GDAP1: variants seen among roughly 807,000 people sequenced by gnomAD.
GDAP1 encodes the protein ganglioside-induced differentiation-associated protein 1.
In GDAP1, 34 loss-of-function variants were observed where a neutral mutation model predicts 40.1. That is an observed-to-expected ratio of 0.85 (90% confidence interval 0.64 to 1.13). The LOEUF (loss-of-function observed/expected upper bound fraction) is 1.13, where lower values mean the gene tolerates loss of function less well. GDAP1 is among the 50% of genes most tolerant of loss of function. The pLI is 0.00. For synonymous variants in GDAP1, 170 were observed against 157.4 expected, an observed-to-expected ratio of 1.08 and a Z score of -0.60; for missense variants, 374 against 433.7, an observed-to-expected ratio of 0.86 and a Z score of 1.22.
At chr8:74,439,956 G>A (rs148708599) in intron 2 of GDAP1, among the ~76,000 whole-genome samples, 97 of 151,904 alleles carry the variant, frequency 6.4e-4, no homozygotes, top group African/African-American at 2.1e-3. Context: ...ATTTATTTTT[G>A]TAAGTGATAT....
chr8:74,434,422 A>G (rs1806064103), intron 2 of GDAP1, among the ~76,000 whole-genome samples: 1 of 152,196 alleles, frequency 6.6e-6, no homozygotes, highest in East Asian at 1.9e-4. Flanking sequence ...GACCATCAGT[A>G]TATACTGAAG....
At chr8:74,396,759 T>A (rs547493479) in intron 2 of GDAP1, among the ~76,000 whole-genome samples, 5 of 152,362 alleles carry the variant, frequency 3.3e-5, no homozygotes, top group African/African-American at 1.2e-4. Context: ...CTATCATTGT[T>A]GGACATTTGG....
At chr8:74,413,717 CT>C (rs79420778) in intron 2 of GDAP1, among the ~76,000 whole-genome samples, 5,561 of 131,606 alleles carry the variant, frequency 0.042, 649 homozygotes, top group African/African-American at 0.15. Flanking sequence ...AACTCCTAAG[CT>C]TTTTTTTTTT....
chr8:74,428,365 C>A (rs1805979314), intron 2 of GDAP1, among the ~76,000 whole-genome samples: 1 of 152,076 alleles, frequency 6.6e-6, no homozygotes, highest in Non-Finnish European at 1.5e-5. Flanking sequence ...TGGTGGTGTC[C>A]CCGACCATCA....
At chr8:74,387,746 A>T (rs1810046231) in intron 2 of GDAP1, among the ~76,000 whole-genome samples, 1 of 152,154 alleles carries the variant, frequency 6.6e-6, no homozygotes, top group African/African-American at 2.4e-5. Flanking sequence ...GAGTAGTTTC[A>T]GAAGGAATGG....
At position 74,351,285 on chromosome 8, in the gene GDAP1, A is replaced by T; in HGVS notation, c.129A>T (p.Val43=). ...GTGAACTCTTCCAGGTGCGCTTGGT[A>T]ATTGCTGAAAAGGCATTGAAGTGCG... The part of the protein sequence containing the change: ...HSFSSQKVRL[V]IAEKALKCEE... Residue 43 remains valine (V), a synonymous_variant, in exon 2 of 6, where the codon GTA becomes GTT. Coordinates refer to ENST00000220822, the MANE Select transcript of GDAP1 (RefSeq NM_018972.4). 6.2e-7 allele frequency: 1 copy of T among 1,613,928 alleles called. No individual in the cohort carries two copies. Among genetic ancestry groups the T allele is most frequent in the South Asian group, 1.1e-5 (1 of 91,074 alleles).
At chr8:74,389,239 G>C (rs1266266198) in intron 2 of GDAP1, among the ~76,000 whole-genome samples, 2 of 151,996 alleles carry the variant, frequency 1.3e-5, no homozygotes, top group South Asian at 4.2e-4. Flanking sequence ...TGGTTATTTT[G>C]CACATTAATT....
intron 2 of GDAP1, among the ~76,000 whole-genome samples, chr8:74,398,196 A>G (rs978738545): frequency 6.6e-6 from 1 of 152,102 alleles, no homozygotes; most frequent in Non-Finnish European, 1.5e-5. Context: ...TGATTTTTGT[A>G]CATGTTCATG....
intron 2 of GDAP1, among the ~76,000 whole-genome samples, chr8:74,351,953 A>T (rs1014915095): frequency 1.3e-5 from 2 of 152,220 alleles, no homozygotes; most frequent in African/African-American, 2.4e-5. Flanking sequence ...TTACTAAGGA[A>T]TTATAGGGCT....
chr8:74,465,257 A>G (rs1806454977), intron 2 of GDAP1, among the ~76,000 whole-genome samples: 1 of 152,052 alleles, frequency 6.6e-6, no homozygotes, highest in Admixed American at 6.6e-5. Context: ...AAATAAACCT[A>G]AGCCGTGCTA....
intron 2 of GDAP1, among the ~76,000 whole-genome samples, chr8:74,379,612 A>G (rs1466138609): frequency 2.6e-5 from 4 of 152,140 alleles, no homozygotes; most frequent in Admixed American, 2.0e-4. Context: ...AGTGTCTCTT[A>G]TGTGGGAAAG....
chr8:74,434,766 C>T (rs954373652), intron 2 of GDAP1, among the ~76,000 whole-genome samples: 6 of 152,176 alleles, frequency 3.9e-5, no homozygotes, highest in African/African-American at 1.4e-4. Flanking sequence ...GATAGTCCTT[C>T]AGGTGGTAGT....
chr8:74,415,229 T>C (rs989186798), intron 2 of GDAP1, among the ~76,000 whole-genome samples: 3 of 150,274 alleles, frequency 2.0e-5, no homozygotes, highest in Non-Finnish European at 4.4e-5. Flanking sequence ...CAATAATGTA[T>C]ATACCTGGGT....
chr8:74,479,678 G>A (rs996973259), intron 2 of GDAP1, among the ~76,000 whole-genome samples: 7 of 152,196 alleles, frequency 4.6e-5, no homozygotes, highest in African/African-American at 1.7e-4. Flanking sequence ...ATCCTGCTAG[G>A]TTCTCGCCTA....
At chr8:74,417,996 A>G (rs932966122) in intron 2 of GDAP1, among the ~76,000 whole-genome samples, 3 of 152,178 alleles carry the variant, frequency 2.0e-5, no homozygotes, top group African/African-American at 7.2e-5. Flanking sequence ...ACTGGGATCT[A>G]TATATTGAAA....
chr8:74,482,354 C>A (rs1325463004), intron 2 of GDAP1, among the ~76,000 whole-genome samples: 3 of 152,084 alleles, frequency 2.0e-5, no homozygotes, highest in African/African-American at 7.2e-5. Context: ...TTTCCAGGGG[C>A]CTATCACCTC....
At chr8:74,449,054 A>AT (rs1412079946) in intron 2 of GDAP1, among the ~76,000 whole-genome samples, 3 of 151,766 alleles carry the variant, frequency 2.0e-5, no homozygotes, top group African/African-American at 7.3e-5. Context: ...CCAAGGTTTA[A>AT]TTTTTTCTAT....
intron 2 of GDAP1, among the ~76,000 whole-genome samples, chr8:74,450,465 T>C (rs917717047): frequency 3.9e-5 from 6 of 151,916 alleles, no homozygotes; most frequent in African/African-American, 1.4e-4. Context: ...ATGTGATCTT[T>C]TTTGTCCCTT....
intron 2 of GDAP1, among the ~76,000 whole-genome samples, chr8:74,448,459 T>C (rs1289582768): frequency 1.3e-5 from 2 of 152,264 alleles, no homozygotes; most frequent in Admixed American, 6.5e-5. Context: ...GTTCTTTTTT[T>C]GGACATGTAT....
Sources: allele counts gnomAD v4.1 joint callset (sites outside exome capture counted in the v4.1 genomes callset), GRCh38; gene constraint gnomAD v4.1.1; transcripts MANE v1.5; gene names NCBI Gene and HGNC (gene_info 2026-07-23, HGNC 2026-07-21).